Variants in ABCA13 observed in about 807,000 individuals in gnomAD.
ABCA13 encodes the protein ATP binding cassette subfamily A member 13.
ABCA13 carries 476 observed loss-of-function variants against 478.7 expected under a neutral mutation model. The ratio of observed to expected loss-of-function variants is 0.99; its 90% confidence interval spans 0.92 to 1.07. The LOEUF (loss-of-function observed/expected upper bound fraction) is 1.07, where lower values mean the gene tolerates loss of function less well. Ranked by LOEUF, ABCA13 falls within the 50% of genes least tolerant of loss-of-function variation. ABCA13 has a pLI of 0.00. For missense variants in ABCA13, 6,060 were observed against 5,910.6 expected (o/e 1.03, Z -0.83); for synonymous variants, 2,252 against 2,158.9 (o/e 1.04, Z -1.20).
chr7:48,392,311 G>A (rs1474062852), intron 38 of ABCA13, among the ~76,000 whole-genome samples, 172 bp downstream of exon 38: 1 of 152,212 alleles, frequency 6.6e-6, no homozygotes, highest in Non-Finnish European at 1.5e-5. Context: ...CACTGAGAAT[G>A]TCAGAAAAGG....
In ABCA13 at chr7:48,613,688, A is replaced by G. The variant is rs1020831445; in HGVS notation, c.14745-1597A>G. ...TATTTTAGTTGTATAGAAAATATTT[A>G]TGTTTTCTGGAGCAAGTCTTCTTTC... On this transcript the variant is annotated intron_variant, in intron 58 of 61. Coordinates refer to ENST00000435803, the MANE Select transcript of ABCA13 (RefSeq NM_152701.5). Among the ~76,000 whole-genome samples, 20 of 150,860 alleles carry G rather than the reference A, an allele frequency of 1.3e-4. 2 individuals are homozygous for G. Among genetic ancestry groups the G allele is most frequent in the Admixed American group, 1.3e-4 (2 of 14,900 alleles).
At chr7:48,534,983 T>C (rs75817618) in intron 55 of ABCA13, among the ~76,000 whole-genome samples, 2,734 of 152,324 alleles carry the variant, frequency 0.018, 72 homozygotes, top group African/African-American at 0.062. Flanking sequence ...AGCTTAATAA[T>C]TGACCTTCTA....
At chr7:48,223,782 C>A (rs1056747147) in intron 5 of ABCA13, among the ~76,000 whole-genome samples, 1 of 151,818 alleles carries the variant, frequency 6.6e-6, no homozygotes, top group African/African-American at 2.4e-5. Flanking sequence ...CATGATGAAA[C>A]CACTTCTCTA....
intron 23 of ABCA13, among the ~76,000 whole-genome samples, chr7:48,300,883 A>G (rs1372509172): frequency 6.6e-6 from 1 of 152,150 alleles, no homozygotes; most frequent in African/African-American, 2.4e-5. Flanking sequence ...TGAAGCACCC[A>G]TCCACTTCAT....
At chr7:48,335,620 C>T in intron 28 of ABCA13, 85 bp downstream of exon 28, 1 of 1,003,058 alleles carries the variant, frequency 1.0e-6, no homozygotes. Flanking sequence ...GTAGAAGATT[C>T]TACAGAGTCA....
intron 41 of ABCA13, among the ~76,000 whole-genome samples, chr7:48,426,087 G>T (rs934326453): frequency 1.3e-5 from 2 of 152,128 alleles, no homozygotes; most frequent in Non-Finnish European, 2.9e-5. Flanking sequence ...GTTAAAGAGT[G>T]GTAAAATAAT....
chr7:48,404,183 G>C (rs1322107473), intron 39 of ABCA13: 2 of 355,978 alleles, frequency 5.6e-6, no homozygotes, highest in Non-Finnish European at 1.1e-5. Context: ...TAGTTTCTTA[G>C]AAGAGGCATC....
At chr7:48,563,817 TG>T (rs1786721504) in intron 55 of ABCA13, among the ~76,000 whole-genome samples, 2 of 151,454 alleles carry the variant, frequency 1.3e-5, no homozygotes, top group African/African-American at 4.9e-5. Context: ...TGTGTGTGTG[TG>T]TGTGTGTGTG....
intron 53 of ABCA13, among the ~76,000 whole-genome samples, chr7:48,523,797 A>T (rs1832714773): frequency 6.6e-6 from 1 of 152,182 alleles, no homozygotes; most frequent in African/African-American, 2.4e-5. Context: ...AGTGCTGGTT[A>T]TATAATCCTT....
Position 48,511,164 on chromosome 7 carries a change from C to A in ABCA13, c.13605C>A (p.Asn4535Lys), listed in dbSNP as rs762689847. 7 of 1,613,396 alleles carry A rather than the reference C, an allele frequency of 4.3e-6. No homozygotes were observed. The highest frequency in any genetic ancestry group is 1.1e-5 in the South Asian group (1 of 91,028). The change falls in exon 51 of 62, where the codon AAC (asparagine) becomes AAA (lysine). Residue 4535 changes from asparagine to lysine, a missense_variant. By Grantham distance (94) the Asn-to-Lys change is moderately conservative (BLOSUM62 0). Coordinates refer to ENST00000435803, the MANE Select transcript of ABCA13 (RefSeq NM_152701.5). ...TAACAGCTTTTACTTTCCGCAAGAA[C>A]TTGGCAGCCACGGCCCTCCTGCTGT... ...FQLTAFTFRK[N>K]LAATALLLSL...
chr7:48,523,966 G>T lies in ABCA13; in HGVS notation c.14052-282G>T, dbSNP rs1832725307. On this transcript the variant is annotated intron_variant, in intron 53 of 61. Coordinates refer to ENST00000435803, the MANE Select transcript of ABCA13 (RefSeq NM_152701.5). ...TTTAACATTTAGTACAATTAATCTG[G>T]CATGATCTTATTCATAAAATTAAAA... Among the ~76,000 whole-genome samples, 3 of 151,960 alleles carry T rather than the reference G, an allele frequency of 2.0e-5. No homozygotes were observed. In the South Asian group the frequency reaches 6.2e-4, roughly 32 times the overall value.
chr7:48,433,900 T>G (rs180678270), intron 42 of ABCA13, among the ~76,000 whole-genome samples: 96 of 152,260 alleles, frequency 6.3e-4, no homozygotes, highest in Non-Finnish European at 1.1e-3. Flanking sequence ...ATGTATCACA[T>G]TTTGTTTATC....
At chr7:48,593,586 A>C (rs1193562357) in intron 57 of ABCA13, among the ~76,000 whole-genome samples, 1 of 152,094 alleles carries the variant, frequency 6.6e-6, no homozygotes, top group Admixed American at 6.5e-5. Flanking sequence ...ATGTGGCTGT[A>C]TACTTAACTT....
At chr7:48,309,805 G>A in intron 23 of ABCA13, 142 bp from the exon 24 acceptor site, 1 of 784,834 alleles carries the variant, frequency 1.3e-6, no homozygotes, top group Non-Finnish European at 2.0e-6. Flanking sequence ...CCCCAGTTTG[G>A]GCTCCCCGCA....
chr7:48,488,863 T>A (rs1829584250), intron 47 of ABCA13, among the ~76,000 whole-genome samples: 1 of 152,162 alleles, frequency 6.6e-6, no homozygotes, highest in Non-Finnish European at 1.5e-5. Context: ...AGTAATCATT[T>A]TTTTTCTGAT....
intron 29 of ABCA13, among the ~76,000 whole-genome samples, chr7:48,341,375 C>T (rs1349428196): frequency 1.3e-5 from 2 of 152,100 alleles, no homozygotes; most frequent in African/African-American, 2.4e-5. Flanking sequence ...CTGCTCTGCT[C>T]TCCTGGGGTG....
At position 48,538,770 on chromosome 7, in the gene ABCA13, G is replaced by A. The variant is rs142562455; in HGVS notation, c.14354+10425G>A. On this transcript the variant is annotated intron_variant, in intron 55 of 61. Transcript: ENST00000435803. ...AAATGATTTTTTTTGAATTCATTAC[G>A]CAAGAGTCTATTCCTAGACACCATA... is the stretch of plus-strand genomic sequence containing the variant. Among the ~76,000 whole-genome samples the A allele has an allele frequency of 2.4e-4, 37 of 151,984 alleles. No individual in the cohort carries two copies. In the East Asian group the frequency reaches 5.0e-3, roughly 21 times the overall value.
intron 1 of ABCA13, among the ~76,000 whole-genome samples, chr7:48,184,408 G>T (rs184021314): frequency 9.2e-4 from 140 of 152,238 alleles, no homozygotes; most frequent in African/African-American, 3.2e-3. Flanking sequence ...GAAGAACAGA[G>T]ATTTTAAATT....
chr7:48,444,118 T>A (rs1288209465), intron 42 of ABCA13, among the ~76,000 whole-genome samples: 2 of 152,154 alleles, frequency 1.3e-5, no homozygotes, highest in Non-Finnish European at 1.5e-5. Context: ...AATTCATTGC[T>A]CTCTGTTTTC....
Sources: allele counts gnomAD v4.1 joint callset (sites outside exome capture counted in the v4.1 genomes callset), GRCh38; gene constraint gnomAD v4.1.1; transcripts MANE v1.5; gene names NCBI Gene and HGNC (gene_info 2026-07-23, HGNC 2026-07-21).